Variants in NSRP1 observed in about 807,000 individuals in gnomAD.
NSRP1 encodes nuclear speckle splicing regulatory protein 1, also known as coiled-coil domain containing 55.
NSRP1 carries 24 observed loss-of-function variants against 54.7 expected under a neutral mutation model. The observed-to-expected ratio is 0.44, with a 90% CI of 0.32 to 0.62. The LOEUF is 0.62. Ranked by LOEUF, NSRP1 falls within the 20% of genes least tolerant of loss-of-function variation. NSRP1 has a pLI of 0.06. For missense variants in NSRP1, 596 were observed against 651.2 expected (o/e 0.92, Z 0.92); for synonymous variants, 210 against 213.8 (o/e 0.98, Z 0.15).
chr17:30,132,036 C>T lies in NSRP1; in HGVS notation c.114+13863C>T, dbSNP rs559119904. Among the ~76,000 whole-genome samples, 139 of 151,992 alleles carry T rather than the reference C, an allele frequency of 9.1e-4. 1 individual carries two copies. The Middle Eastern group carries it at 0.02, about 22-fold the overall frequency. ...GGCCGAGGCGGGCGGATCACAAGGTCAGGAGATCAAGACCATCCTGGCTAA... is the reference window on the plus strand; with the variant it reads ...GGCCGAGGCGGGCGGATCACAAGGTTAGGAGATCAAGACCATCCTGGCTAA... On this transcript the variant is annotated intron_variant, in intron 2 of 6. Transcript: ENST00000247026.
chr17:30,176,254 A>G (rs1373595516), intron 3 of NSRP1, among the ~76,000 whole-genome samples: 2 of 152,120 alleles, frequency 1.3e-5, no homozygotes, highest in African/African-American at 4.8e-5. Flanking sequence ...TAATAGTAAC[A>G]TATCTACTCA....
chr17:30,163,396 AC>A (rs1904607480), intron 2 of NSRP1, among the ~76,000 whole-genome samples: 1 of 151,850 alleles, frequency 6.6e-6, no homozygotes, highest in Non-Finnish European at 1.5e-5. Flanking sequence ...GATGGTTACT[AC>A]TGCCCAGGAG....
intron 2 of NSRP1, among the ~76,000 whole-genome samples, chr17:30,171,983 CTCTCT>C (rs1567804428): frequency 2.9e-5 from 3 of 105,216 alleles, no homozygotes; most frequent in Non-Finnish European, 4.4e-5. Flanking sequence ...CTCCCTCTCT[CTCTCT>C]CTCTCTCTCT....
intron 2 of NSRP1, among the ~76,000 whole-genome samples, chr17:30,138,922 T>TGTTTG (rs550505681): frequency 7.4e-6 from 1 of 135,608 alleles, no homozygotes; most frequent in Admixed American, 7.6e-5. Flanking sequence ...TTTTTTTTTT[T>TGTTTG]TTTTTTTTTT....
intron 2 of NSRP1, among the ~76,000 whole-genome samples, chr17:30,133,316 A>C (rs552893144): frequency 6.6e-6 from 1 of 152,204 alleles, no homozygotes; most frequent in Non-Finnish European, 1.5e-5. Flanking sequence ...TTTGCTCCAG[A>C]ATGGATAGTG....
intron 2 of NSRP1, among the ~76,000 whole-genome samples, chr17:30,143,701 A>AATTAT (rs928009527): frequency 1.3e-5 from 2 of 152,224 alleles, no homozygotes; most frequent in African/African-American, 4.8e-5. Flanking sequence ...TAATTAAGCA[A>AATTAT]TAATTGGAAA....
At chr17:30,140,589 C>T (rs111648786) in intron 2 of NSRP1, among the ~76,000 whole-genome samples, 109 of 123,472 alleles carry the variant, frequency 8.8e-4, no homozygotes, top group African/African-American at 3.2e-3. Flanking sequence ...AGTGCAGTGG[C>T]GTGATCTCGG....
intron 2 of NSRP1, among the ~76,000 whole-genome samples, chr17:30,152,556 TTTAGA>T (rs2071922454): frequency 6.6e-6 from 1 of 151,844 alleles, no homozygotes; most frequent in African/African-American, 2.4e-5. Flanking sequence ...AATGTAAACG[TTTAGA>T]TTAACTCCAT....
intron 6 of NSRP1, among the ~76,000 whole-genome samples, chr17:30,182,839 C>T (rs1315016048): frequency 6.6e-6 from 1 of 151,968 alleles, no homozygotes; most frequent in African/African-American, 2.4e-5. Flanking sequence ...GAGGCTGAGG[C>T]AGGAGAATGG....
chr17:30,134,018 T>G (rs944750142), intron 2 of NSRP1, among the ~76,000 whole-genome samples: 1 of 152,222 alleles, frequency 6.6e-6, no homozygotes, highest in Non-Finnish European at 1.5e-5. Context: ...CAGCTTTTGA[T>G]TTAAAGTAAG....
At chr17:30,179,069 A>G (rs1228841903) in intron 4 of NSRP1, 21 bp from the exon 5 acceptor site, 4 of 1,403,268 alleles carry the variant, frequency 2.9e-6, no homozygotes, top group Non-Finnish European at 3.8e-6. Context: ...CTCTTTTCCT[A>G]AATCTTTTTT....
chr17:30,145,543 A>T (rs1023377602), intron 2 of NSRP1, among the ~76,000 whole-genome samples: 1 of 152,170 alleles, frequency 6.6e-6, no homozygotes, highest in African/African-American at 2.4e-5. Flanking sequence ...AGATCACGCC[A>T]CTGCACTCCA....
At chr17:30,136,312 T>A (rs1021590896) in intron 2 of NSRP1, among the ~76,000 whole-genome samples, 2 of 152,170 alleles carry the variant, frequency 1.3e-5, no homozygotes, top group Non-Finnish European at 2.9e-5. Context: ...CTATTCTGTT[T>A]CATTGATTTT....
In NSRP1 at chr17:30,178,199, G is replaced by A. The variant is rs764777361; in HGVS notation, c.300G>A (p.Lys100=). ...AATTGCTTTTGGGGAAAGACAGAAA[G>A]GTTTGTAAGCTGAAATAACAAACTT... The part of the protein sequence containing the change: ...NPKLLLGKDR[K]PKYIHNLLKA... Residue 100 remains lysine, a splice_region_variant and synonymous_variant, in exon 4 of 7, where the codon AAG becomes AAA. Transcript: ENST00000247026. 3 of 1,592,708 alleles carry A rather than the reference G, an allele frequency of 1.9e-6. No individual in the cohort carries two copies. Among genetic ancestry groups the A allele is most frequent in the Non-Finnish European group, 2.6e-6 (3 of 1,174,846 alleles).
chr17:30,179,381 T>G, intron 5 of NSRP1, 84 bp downstream of exon 5: 1 of 1,429,518 alleles, frequency 7.0e-7, no homozygotes, highest in Non-Finnish European at 9.2e-7. Context: ...GTCACTGAAC[T>G]TTAGGGTTAT....
chr17:30,120,841 A>G (rs548013167), intron 2 of NSRP1, among the ~76,000 whole-genome samples: 1 of 152,314 alleles, frequency 6.6e-6, no homozygotes, highest in South Asian at 2.1e-4. Flanking sequence ...AACCTATACT[A>G]TTCTTCTGTC....
At chr17:30,171,976 C>CCTCTCT (rs58666089) in intron 2 of NSRP1, among the ~76,000 whole-genome samples, 3,058 of 80,282 alleles carry the variant, frequency 0.038, 97 homozygotes, top group African/African-American at 0.067. Flanking sequence ...ACACACACTC[C>CCTCTCT]CTCTCTCTCT....
chr17:30,181,352 A>G (rs1202715520), intron 6 of NSRP1, among the ~76,000 whole-genome samples: 1 of 151,916 alleles, frequency 6.6e-6, no homozygotes, highest in Admixed American at 6.6e-5. Context: ...AGGGAGAGCA[A>G]AATCTTCAAG....
chr17:30,183,948 T>C (rs1169908522), intron 6 of NSRP1, among the ~76,000 whole-genome samples: 1 of 152,228 alleles, frequency 6.6e-6, no homozygotes, highest in African/African-American at 2.4e-5. Context: ...ACACCTGTAA[T>C]CCCCGCACTT....
Sources: gnomAD v4.1 joint callset for allele counts (sites outside exome capture counted in the v4.1 genomes callset) on GRCh38, gnomAD v4.1.1 for gene constraint, MANE v1.5 for transcripts, NCBI Gene and HGNC (gene_info 2026-07-23, HGNC 2026-07-21) for gene names.